Variants in C8orf34 observed in about 807,000 individuals in gnomAD.
C8orf34 encodes chromosome 8 open reading frame 34.
In C8orf34, 65 loss-of-function variants were observed where a neutral mutation model predicts 68.3. That is an observed-to-expected ratio of 0.95 (90% CI 0.78 to 1.17). C8orf34 has a LOEUF of 1.17. Among genes scored for constraint, C8orf34 ranks in the 50% most tolerant of loss-of-function variants. The pLI is 0.00. For missense variants in C8orf34, 664 were observed against 655.4 expected, an observed-to-expected ratio of 1.01 and a Z score of -0.14; for synonymous variants, 244 against 241.2, an observed-to-expected ratio of 1.01 and a Z score of -0.11.
chr8:68,358,627 T>G (rs2129619243), intron 1 of C8orf34, among the ~76,000 whole-genome samples: 1 of 152,114 alleles, frequency 6.6e-6, no homozygotes, highest in Admixed American at 6.6e-5. Flanking sequence ...TCATGGACCA[T>G]AGGCCAATTT....
intron 8 of C8orf34, among the ~76,000 whole-genome samples, chr8:68,677,477 G>T (rs1455062081): frequency 1.3e-5 from 2 of 151,980 alleles, no homozygotes; most frequent in Admixed American, 1.3e-4. Context: ...TCCCACCTCA[G>T]CTTTCCAAGT....
At chr8:68,545,528 A>G (rs1464245248) in intron 7 of C8orf34, among the ~76,000 whole-genome samples, 1 of 152,182 alleles carries the variant, frequency 6.6e-6, no homozygotes, top group African/African-American at 2.4e-5. Flanking sequence ...TGGAACAATG[A>G]TGAAATATCA....
At chr8:68,343,593 ATT>A (rs71253080) in intron 1 of C8orf34, among the ~76,000 whole-genome samples, 17 of 137,266 alleles carry the variant, frequency 1.2e-4, no homozygotes, top group Non-Finnish European at 1.4e-4. Context: ...TGCCTAGCTA[ATT>A]TTTTTTTTTT....
chr8:68,678,574 A>G (rs1483081892), intron 8 of C8orf34, among the ~76,000 whole-genome samples: 2 of 152,178 alleles, frequency 1.3e-5, no homozygotes, highest in Non-Finnish European at 2.9e-5. Context: ...AATTAATTGA[A>G]TATAGAAAGA....
intron 10 of C8orf34, among the ~76,000 whole-genome samples, chr8:68,759,362 G>C (rs1822961859): frequency 6.6e-6 from 1 of 152,122 alleles, no homozygotes; most frequent in Non-Finnish European, 1.5e-5. Flanking sequence ...AACAGTAGAG[G>C]ATCTAGTCTT....
intron 7 of C8orf34, among the ~76,000 whole-genome samples, chr8:68,635,933 G>T (rs1407023321): frequency 1.3e-5 from 2 of 152,130 alleles, no homozygotes; most frequent in African/African-American, 4.8e-5. Context: ...AACAAGCAGA[G>T]AATATTTATC....
At chr8:68,627,259 C>T (rs943645890) in intron 7 of C8orf34, among the ~76,000 whole-genome samples, 5 of 152,148 alleles carry the variant, frequency 3.3e-5, no homozygotes, top group African/African-American at 1.2e-4. Flanking sequence ...AACCCTTCTA[C>T]CCTCTGTGCT....
At chr8:68,640,948 G>A (rs539771822) in intron 8 of C8orf34, among the ~76,000 whole-genome samples, 37 of 152,278 alleles carry the variant, frequency 2.4e-4, no homozygotes, top group African/African-American at 8.4e-4. Flanking sequence ...AATTTAATCA[G>A]CTTGACACTT....
chr8:68,539,070 G>A (rs1419824703), intron 7 of C8orf34, among the ~76,000 whole-genome samples: 1 of 152,104 alleles, frequency 6.6e-6, no homozygotes, highest in Non-Finnish European at 1.5e-5. Context: ...TTATAAATAT[G>A]AAAATGTTTG....
At chr8:68,711,377 A>C (rs1011617520) in intron 9 of C8orf34, among the ~76,000 whole-genome samples, 2 of 152,200 alleles carry the variant, frequency 1.3e-5, no homozygotes, top group Non-Finnish European at 2.9e-5. Context: ...TTAAGCAGGC[A>C]TCACAGAAAG....
chr8:68,533,238 T>A, intron 7 of C8orf34, 89 bp downstream of exon 7: 1 of 1,463,458 alleles, frequency 6.8e-7, no homozygotes, highest in Non-Finnish European at 9.0e-7. Context: ...AAGTTTTGAA[T>A]AGCCTTGTCT....
In C8orf34 at chr8:68,624,918, T is replaced by TG. The variant is rs200977077; in HGVS notation, c.1106-15458_1106-15457insG. On this transcript the variant is annotated intron_variant, in intron 7 of 13. Transcript: ENST00000518698. ...GCTCAGCTAATTTCTTGCTTTTTTT[T>TG]TTTTTGTGTAGCTGGTATTTACTAC... is the stretch of plus-strand genomic sequence containing the variant. 4.0e-3 allele frequency among the ~76,000 whole-genome samples: 577 copies of TG among 145,394 alleles called. 3 individuals carry two copies. The highest frequency in any genetic ancestry group is 0.015 in the African/African-American group (539 of 35,584).
At chr8:68,492,950 C>G (rs994779402) in intron 5 of C8orf34, among the ~76,000 whole-genome samples, 1 of 152,356 alleles carries the variant, frequency 6.6e-6, no homozygotes, top group East Asian at 1.9e-4. Context: ...CAGGAGGTTA[C>G]TTCCAGATGC....
At chr8:68,375,936 G>A (rs906874372) in intron 1 of C8orf34, among the ~76,000 whole-genome samples, 1 of 152,112 alleles carries the variant, frequency 6.6e-6, no homozygotes, top group Non-Finnish European at 1.5e-5. Context: ...AATGGAAGCA[G>A]TATCTCTACT....
Position 68,787,464 on chromosome 8 carries a change from C to A in C8orf34, c.1477C>A (p.Gln493Lys), listed in dbSNP as rs1271386937. The A allele has an allele frequency of 6.2e-7, 1 of 1,611,200 alleles. No individual in the cohort carries two copies. Among genetic ancestry groups the A allele is most frequent in the Admixed American group, 1.7e-5 (1 of 59,910 alleles). The change falls in exon 12 of 14, where the codon CAG becomes AAG. Residue 493 changes from glutamine (Q) to lysine (K), a missense_variant. Physicochemically the swap from Gln to Lys is moderately conservative, Grantham distance 53. Transcript: ENST00000518698. ...MEEDESLKQL[Q>K]VVHQPWILPS... ...GCAGGATGAATCCTTAAAGCAATTG[C>A]AGGTAGTTCATCAACCATGGATCTT...
chr8:68,637,545 T>G (rs1192904776), intron 7 of C8orf34, among the ~76,000 whole-genome samples: 1 of 152,042 alleles, frequency 6.6e-6, no homozygotes, highest in East Asian at 1.9e-4. Context: ...CACACAGGGA[T>G]CCAGAAAAAA....
chr8:68,479,572 A>T (rs776980418), intron 4 of C8orf34, among the ~76,000 whole-genome samples: 26 of 152,146 alleles, frequency 1.7e-4, no homozygotes, highest in Non-Finnish European at 2.5e-4. Context: ...CCAGAGATGG[A>T]GGTTGGGGAT....
intron 7 of C8orf34, among the ~76,000 whole-genome samples, chr8:68,563,503 G>A (rs1407645169): frequency 6.6e-6 from 1 of 152,028 alleles, no homozygotes; most frequent in Non-Finnish European, 1.5e-5. Flanking sequence ...ACTTTTAAAG[G>A]GTTTTTAAAA....
At chr8:68,729,366 A>G (rs1821918567) in intron 10 of C8orf34, among the ~76,000 whole-genome samples, 1 of 152,222 alleles carries the variant, frequency 6.6e-6, no homozygotes, top group African/African-American at 2.4e-5. Context: ...CACAATGAAC[A>G]TTGCCTGCTA....
Sources: allele counts gnomAD v4.1 joint callset (sites outside exome capture counted in the v4.1 genomes callset), GRCh38; gene constraint gnomAD v4.1.1; transcripts MANE v1.5; gene names NCBI Gene and HGNC (gene_info 2026-07-23, HGNC 2026-07-21).